Variants in HOMER2 observed in about 807,000 individuals in gnomAD.
HOMER2 encodes the protein homer protein homolog 2.
HOMER2 carries 27 observed loss-of-function variants against 47.0 expected under a neutral mutation model. The observed-to-expected ratio is 0.57, with a 90% CI of 0.42 to 0.79. HOMER2 has a LOEUF of 0.79. HOMER2 is among the 30% of genes least tolerant of loss of function. The pLI is 0.00. For synonymous variants in HOMER2, 161 were observed against 163.8 expected, an observed-to-expected ratio of 0.98 and a Z score of 0.13; for missense variants, 443 against 435.0, an observed-to-expected ratio of 1.02 and a Z score of -0.16.
chr15:82,931,566 C>T (rs1053748266), intron 1 of HOMER2, among the ~76,000 whole-genome samples: 2 of 148,814 alleles, frequency 1.3e-5, no homozygotes, highest in African/African-American at 4.9e-5. Flanking sequence ...AGGCCAGGTG[C>T]GGTGGCTCAT....
chr15:82,859,226 T>C, intron 4 of HOMER2, 91 bp from the exon 5 acceptor site: 2 of 1,589,490 alleles, frequency 1.3e-6, no homozygotes, highest in Non-Finnish European at 1.7e-6. Context: ...GGCAGCAAGT[T>C]AGGCATAATA....
intron 3 of HOMER2, among the ~76,000 whole-genome samples, chr15:82,865,803 C>T (rs991453662): frequency 6.6e-5 from 10 of 152,190 alleles, no homozygotes; most frequent in Non-Finnish European, 1.3e-4. Context: ...TTCCACATGG[C>T]GTTGGGCCTG....
rs1162254209 is a variant in HOMER2 at position 82,855,325 on chromosome 15, CAA to C, written c.495-527_495-526del. Among the ~76,000 whole-genome samples the C allele has an allele frequency of 5.4e-4, 33 of 61,508 alleles. 1 individual carries two copies. The South Asian group carries it at 0.013, about 23-fold the overall frequency. The allele number at this position is 61,508 out of a possible 152,430, so 40.4% of individuals were successfully genotyped here. A position where few individuals can be genotyped will look rare whatever the true frequency, so the allele number is the denominator to read the frequency against. On this transcript the variant is annotated intron_variant, in intron 5 of 8. Transcript: ENST00000450735. ...TGGCGACAGAGCGAGACTCCATCTC[CAA>C]AAAAAAAAAAAAAAAAAAAAAAGAA...
chr15:82,949,502 C>G (rs930824211), intron 1 of HOMER2, among the ~76,000 whole-genome samples: 1 of 152,056 alleles, frequency 6.6e-6, no homozygotes, highest in Non-Finnish European at 1.5e-5. Flanking sequence ...ATCTGGCAAC[C>G]CCCTGGTCAC....
In HOMER2 at chr15:82,854,664, T is replaced by C. The variant is rs201813178; in HGVS notation, c.631A>G (p.Asn211Asp). 6.2e-7 allele frequency: 1 copy of C among 1,612,746 alleles called. No homozygotes were observed. The highest frequency in any genetic ancestry group is 8.5e-7 in the Non-Finnish European group (1 of 1,179,666). ...CCCACCTTGTTGCGGAGCCGGTCAT[T>C]CTCATCACGGCAGATGGAGAACTGC... ...KRQFSICRDE[N>D]DRLRNKIDEL... The change falls in exon 6 of 9, where the codon AAT (asparagine) becomes GAT (aspartate). Residue 211 changes from asparagine to aspartate, a missense_variant. Transcript: ENST00000450735.
intron 1 of HOMER2, among the ~76,000 whole-genome samples, chr15:82,904,040 G>A (rs1041808669): frequency 1.3e-5 from 2 of 152,128 alleles, no homozygotes; most frequent in African/African-American, 2.4e-5. Flanking sequence ...GAGAGGCTGA[G>A]GTGGGAGGAT....
intron 1 of HOMER2, among the ~76,000 whole-genome samples, chr15:82,939,949 G>A (rs1430037938): frequency 6.6e-6 from 1 of 152,126 alleles, no homozygotes. Flanking sequence ...CCATCATTCT[G>A]AGCAAACTGT....
intron 1 of HOMER2, among the ~76,000 whole-genome samples, chr15:82,911,615 CAGTT>C (rs1331974078): frequency 6.6e-6 from 1 of 152,202 alleles, no homozygotes; most frequent in Non-Finnish European, 1.5e-5. Flanking sequence ...TTTACACTAT[CAGTT>C]GGTCTCTCAG....
intron 1 of HOMER2, among the ~76,000 whole-genome samples, chr15:82,899,369 G>C (rs542831363): frequency 6.6e-6 from 1 of 152,264 alleles, no homozygotes; most frequent in East Asian, 1.9e-4. Flanking sequence ...TGGAAGCATG[G>C]GCTCATCTGG....
At chr15:82,868,541 A>ATTTTTTTTTT (rs10678643) in intron 3 of HOMER2, among the ~76,000 whole-genome samples, 2 of 71,264 alleles carry the variant, frequency 2.8e-5, no homozygotes, top group Non-Finnish European at 5.7e-5. Flanking sequence ...ATATATATAT[A>ATTTTTTTTTT]TTTTTTTTTT....
intron 1 of HOMER2, among the ~76,000 whole-genome samples, chr15:82,893,756 G>C (rs990261132): frequency 2.0e-5 from 3 of 151,872 alleles, no homozygotes; most frequent in Admixed American, 2.0e-4. Context: ...CAAGTAGCTA[G>C]GACTACAGGC....
chr15:82,946,110 T>C (rs1180553369), intron 1 of HOMER2, among the ~76,000 whole-genome samples: 1 of 152,184 alleles, frequency 6.6e-6, no homozygotes, highest in African/African-American at 2.4e-5. Context: ...TAACTCTAAG[T>C]TCCTCAGGAG....
exon 2 of HOMER2, chr15:82,842,317 T>C (rs1486724299): frequency 6.6e-6 from 1 of 151,974 alleles, no homozygotes; most frequent in Non-Finnish European, 1.5e-5. Context: ...TTTTTTGTTT[T>C]GTTTTTTGTT....
chr15:82,881,227 A>C (rs1041290840), intron 2 of HOMER2, among the ~76,000 whole-genome samples: 2 of 152,228 alleles, frequency 1.3e-5, no homozygotes, highest in African/African-American at 4.8e-5. Context: ...CACAAAATGC[A>C]CAAAACACAG....
intron 1 of HOMER2, among the ~76,000 whole-genome samples, chr15:82,983,267 C>T (rs1223498917): frequency 6.6e-6 from 1 of 152,148 alleles, no homozygotes; most frequent in Non-Finnish European, 1.5e-5. Flanking sequence ...CACATGGTAC[C>T]ATTGTAAAGT....
At chr15:82,948,284 G>A (rs2054425559) in intron 1 of HOMER2, among the ~76,000 whole-genome samples, 1 of 151,936 alleles carries the variant, frequency 6.6e-6, no homozygotes, top group East Asian at 1.9e-4. Context: ...CCAGCTATTC[G>A]GGAGGCTGAG....
At chr15:82,938,747 G>A (rs984405540) in intron 1 of HOMER2, among the ~76,000 whole-genome samples, 3 of 152,128 alleles carry the variant, frequency 2.0e-5, no homozygotes, top group Non-Finnish European at 4.4e-5. Flanking sequence ...TTTGGCTGAG[G>A]CTGCTCTCAA....
chr15:82,836,462 C>G (rs1207712135), downstream of HOMER2, among the ~76,000 whole-genome samples: 1 of 152,262 alleles, frequency 6.6e-6, no homozygotes, highest in Non-Finnish European at 1.5e-5. Flanking sequence ...TTCCTGCCTG[C>G]CCCCAAAGGG....
chr15:82,878,357 C>G (rs902738870), intron 2 of HOMER2, among the ~76,000 whole-genome samples: 17 of 152,074 alleles, frequency 1.1e-4, no homozygotes, highest in South Asian at 2.1e-4. Flanking sequence ...TTTCAGATGG[C>G]GAAACTGAGG....
Sources: gnomAD v4.1 joint callset for allele counts (sites outside exome capture counted in the v4.1 genomes callset) on GRCh38, gnomAD v4.1.1 for gene constraint, MANE v1.5 for transcripts, NCBI Gene and HGNC (gene_info 2026-07-23, HGNC 2026-07-21) for gene names.